DYRK1A: variants seen among roughly 807,000 people sequenced by gnomAD.
DYRK1A encodes the protein dual specificity tyrosine-phosphorylation-regulated kinase 1A.
A neutral mutation model predicts 79.7 loss-of-function variants in DYRK1A; 9 were observed. The observed-to-expected ratio is 0.11, with a 90% CI of 0.07 to 0.20. DYRK1A has a LOEUF of 0.20. Among genes scored for constraint, DYRK1A ranks in the 10% least tolerant of loss-of-function variants. DYRK1A has a pLI of 1.00. For synonymous variants in DYRK1A, 349 were observed against 329.7 expected (o/e 1.06, Z -0.63); for missense variants, 622 against 956.0 (o/e 0.65, Z 4.61).
intron 1 of DYRK1A, among the ~76,000 whole-genome samples, chr21:37,400,366 G>A (rs11088391): frequency 0.083 from 12,569 of 152,150 alleles, 680 homozygotes; most frequent in Non-Finnish European, 0.11. Flanking sequence ...TCACAGTGTA[G>A]GATGTAGATA....
rs1052710622 is a variant in DYRK1A at position 37,438,650 on chromosome 21, G to C, written c.10+18266G>C. Among the ~76,000 whole-genome samples the C allele has an allele frequency of 4.6e-5, 7 of 152,152 alleles. No homozygotes were observed. The East Asian group carries it at 1.3e-3, about 29-fold the overall frequency. On this transcript the variant is annotated intron_variant, in intron 2 of 11. Coordinates refer to ENST00000647188, the MANE Select transcript of DYRK1A (RefSeq NM_001347721.2). ...CAGTCTTCCATATATGTGTGGGTCT[G>C]TTTGTGGATTTTCCATTCTGTTCCA...
At chr21:37,414,481 A>G (rs963414575) in intron 1 of DYRK1A, among the ~76,000 whole-genome samples, 13 of 152,184 alleles carry the variant, frequency 8.5e-5, no homozygotes, top group Non-Finnish European at 1.8e-4. Flanking sequence ...TAGAAAATTT[A>G]TACCAGGGCC....
At chr21:37,380,662 C>A (rs1353887389) in intron 1 of DYRK1A, among the ~76,000 whole-genome samples, 1 of 151,802 alleles carries the variant, frequency 6.6e-6, no homozygotes, top group Non-Finnish European at 1.5e-5. Flanking sequence ...AAGGAAAGTT[C>A]ACTTGAGTGA....
At position 37,372,964 on chromosome 21, in the gene DYRK1A, TAA is replaced by T. The variant is rs1361774061; in HGVS notation, c.-77+5337_-77+5338del. On this transcript the variant is annotated intron_variant, in intron 1 of 11. Coordinates refer to ENST00000647188, the MANE Select transcript of DYRK1A (RefSeq NM_001347721.2). ...ATATAATTGTTCATTAAATTTCATT[TAA>T]TATAATTGTAAATTTAATTTCTCCA... Among the ~76,000 whole-genome samples the T allele has an allele frequency of 3.3e-5, 5 of 152,350 alleles. No individual in the cohort carries two copies. In the East Asian group the frequency reaches 9.6e-4, roughly 29 times the overall value.
In DYRK1A at chr21:37,367,329, T is replaced by G. The variant is rs1391101284; in HGVS notation, c.-376T>G. ...AGCAGCCGCCGCTCGGCGCCCGGCC[T>G]CGCCGACGCCGCCCTCTGCGCCGGG... On this transcript the variant is annotated 5_prime_UTR_variant, in exon 1 of 12. Transcript: ENST00000647188. The G allele has an allele frequency of 7.3e-6, 1 of 136,100 alleles. No individual in the cohort carries two copies. Among genetic ancestry groups the G allele is most frequent in the Non-Finnish European group, 1.6e-5 (1 of 63,060 alleles). 8.4% of individuals were successfully genotyped at this position (136,100 alleles called of 1,614,324 possible). A position where few individuals can be genotyped will look rare whatever the true frequency, so the allele number is the denominator to read the frequency against.
intron 5 of DYRK1A, among the ~76,000 whole-genome samples, chr21:37,485,302 G>A (rs1243590464): frequency 6.6e-6 from 1 of 152,190 alleles, no homozygotes; most frequent in East Asian, 1.9e-4. Context: ...AGTACATCCA[G>A]TGAAGCAGAA....
At chr21:37,489,911 T>G (rs530378239) in intron 6 of DYRK1A, among the ~76,000 whole-genome samples, 8 of 152,164 alleles carry the variant, frequency 5.3e-5, no homozygotes, top group Non-Finnish European at 1.0e-4. Context: ...AGATCTGACT[T>G]TTAGAGAAAC....
intron 1 of DYRK1A, among the ~76,000 whole-genome samples, chr21:37,406,126 C>G (rs1047206261): frequency 7.2e-5 from 11 of 152,028 alleles, no homozygotes; most frequent in African/African-American, 2.4e-4. Context: ...TGTAATTGTT[C>G]AGTACAACAC....
chr21:37,417,527 TTC>T (rs1478709608), intron 1 of DYRK1A, among the ~76,000 whole-genome samples: 5 of 65,992 alleles, frequency 7.6e-5, no homozygotes, highest in African/African-American at 2.6e-4. Flanking sequence ...CTTTTTCTTT[TTC>T]TTTTTTTTTT....
chr21:37,511,806 C>A (rs1385685040), intron 11 of DYRK1A, 105 bp from the exon 12 acceptor site: 2 of 1,334,640 alleles, frequency 1.5e-6, no homozygotes, highest in Non-Finnish European at 2.1e-6. Flanking sequence ...AACCGTTTCC[C>A]CCTGATTAAT....
intron 2 of DYRK1A, among the ~76,000 whole-genome samples, chr21:37,440,969 C>T (rs972197288): frequency 8.2e-4 from 125 of 152,236 alleles, no homozygotes; most frequent in African/African-American, 2.2e-3. Flanking sequence ...TTTCTCTCCA[C>T]TTGTTCTATC....
intron 1 of DYRK1A, among the ~76,000 whole-genome samples, chr21:37,373,327 A>G (rs1338668082): frequency 2.0e-5 from 3 of 152,234 alleles, no homozygotes; most frequent in African/African-American, 7.2e-5. Flanking sequence ...GGGGTTATTC[A>G]GTAGGAAGCT....
intron 6 of DYRK1A, chr21:37,486,851 G>A (rs1348870182): frequency 3.0e-6 from 1 of 330,012 alleles, no homozygotes; most frequent in African/African-American, 2.1e-5. Context: ...AATAGTGTGT[G>A]TGTGTTTTTT....
Position 37,505,423 on chromosome 21 carries a change from T to C in DYRK1A, c.1353T>C (p.Leu451=). The change falls in exon 10 of 12, where the codon CTT becomes CTC. Residue 451 remains leucine, a synonymous_variant. Transcript: ENST00000647188. ...LKFKDLILRM[L]DYDPKTRIQP... is the part of the protein sequence containing the mutation. ...TCAAAGACCTCATTTTAAGGATGCTTGATTATGACCCCAAAACTCGAATTC... is the reference window on the plus strand; with the variant it reads ...TCAAAGACCTCATTTTAAGGATGCTCGATTATGACCCCAAAACTCGAATTC... The C allele has an allele frequency of 6.2e-7, 1 of 1,614,126 alleles. No individual in the cohort carries two copies. The highest frequency in any genetic ancestry group is 8.5e-7 in the Non-Finnish European group (1 of 1,180,018).
rs149046084 is a variant in DYRK1A at position 37,457,013 on chromosome 21, TTTACTTAC to T, written c.11-15651_11-15644del. Among the ~76,000 whole-genome samples the T allele has an allele frequency of 5.1e-3, 715 of 141,246 alleles. 3 individuals carry two copies. The highest frequency in any genetic ancestry group is 0.01 in the African/African-American group (376 of 36,582). The allele number at this position is 141,246 out of a possible 152,430, so 92.7% of individuals were successfully genotyped here. On this transcript the variant is annotated intron_variant, in intron 2 of 11. Coordinates refer to ENST00000647188, the MANE Select transcript of DYRK1A (RefSeq NM_001347721.2). ...ATTTGCTTGAGAGGTAAAAAGAAAATTTACTTACTTACTTACTTACTTACTTATTTATT... is the reference window on the plus strand; with the variant it reads ...ATTTGCTTGAGAGGTAAAAAGAAAATTTACTTACTTACTTACTTATTTATT...
At chr21:37,492,431 T>C (rs970449607) in intron 7 of DYRK1A, among the ~76,000 whole-genome samples, 4 of 152,216 alleles carry the variant, frequency 2.6e-5, no homozygotes, top group African/African-American at 9.6e-5. Flanking sequence ...TAAGAAGTCT[T>C]GGATGGAGGT....
At chr21:37,461,720 G>GT (rs1182339897) in intron 2 of DYRK1A, among the ~76,000 whole-genome samples, 1 of 152,122 alleles carries the variant, frequency 6.6e-6, no homozygotes, top group African/African-American at 2.4e-5. Flanking sequence ...GGTGCACATG[G>GT]TTTCTGGTGA....
rs1347918165 is a variant in DYRK1A at position 37,499,004 on chromosome 21, C to A, written c.1212+2746C>A. 2.6e-5 allele frequency among the ~76,000 whole-genome samples: 4 copies of A among 151,920 alleles called. No homozygotes were observed. The East Asian group carries it at 7.7e-4, about 29-fold the overall frequency. ...CTGGGTTGTTTAATAATTGAGTAGTCCTTTGTCATTAAGTTTTTTGTCACA... is the reference window on the plus strand; with the variant it reads ...CTGGGTTGTTTAATAATTGAGTAGTACTTTGTCATTAAGTTTTTTGTCACA... On this transcript the variant is annotated intron_variant, in intron 9 of 11. Transcript: ENST00000647188.
Position 37,523,575 on chromosome 21 carries a change from TG to T in DYRK1A, c.*11045del, listed in dbSNP as rs1357950809. 2.6e-5 allele frequency: 4 copies of T among 152,202 alleles called. No homozygotes were observed. Among genetic ancestry groups the T allele is most frequent in the Non-Finnish European group, 5.9e-5 (4 of 68,030 alleles). 9.4% of individuals were successfully genotyped at this position (152,202 alleles called of 1,614,324 possible). Reference sequence around the variant, plus strand: ...ATCACATCCTTCCAGGGCTATCGGCTGTTCAGGAACAGGAGAGCTCTGGAAG... The same window carrying T: ...ATCACATCCTTCCAGGGCTATCGGCTTTCAGGAACAGGAGAGCTCTGGAAG... On this transcript the variant is annotated 3_prime_UTR_variant, in exon 12 of 12. Coordinates refer to ENST00000647188, the MANE Select transcript of DYRK1A (RefSeq NM_001347721.2).
Sources: gnomAD v4.1 joint callset for allele counts (sites outside exome capture counted in the v4.1 genomes callset) on GRCh38, gnomAD v4.1.1 for gene constraint, MANE v1.5 for transcripts, NCBI Gene and HGNC (gene_info 2026-07-23, HGNC 2026-07-21) for gene names.